C11orf65: variants seen among roughly 807,000 people sequenced by gnomAD.
C11orf65 encodes the protein chromosome 11 open reading frame 65, also known as protein MFI.
C11orf65 carries 38 observed loss-of-function variants against 35.3 expected under a neutral mutation model. The observed-to-expected ratio is 1.08, with a 90% CI of 0.83 to 1.41. The LOEUF (loss-of-function observed/expected upper bound fraction) is 1.41, where lower values mean the gene tolerates loss of function less well. C11orf65 is among the 40% of genes most tolerant of loss of function. The probability of loss-of-function intolerance (pLI) is 0.00; values close to 1 mark genes in which losing one functional copy is unlikely to be tolerated. For synonymous variants in C11orf65, 105 were observed against 114.4 expected (o/e 0.92, Z 0.53); for missense variants, 370 against 367.1 (o/e 1.01, Z -0.06).
At chr11:108,442,088 G>A (rs1300753158) in intron 2 of C11orf65, among the ~76,000 whole-genome samples, 1 of 152,160 alleles carries the variant, frequency 6.6e-6, no homozygotes, top group Non-Finnish European at 1.5e-5. Flanking sequence ...AAAAAGATGA[G>A]ATGAATGGTT....
intron 2 of C11orf65, chr11:108,367,704 G>C (rs1348725398): frequency 1.9e-5 from 4 of 215,666 alleles, no homozygotes; most frequent in Non-Finnish European, 3.7e-5. Flanking sequence ...ATTCATATTT[G>C]ATCTCCTCAC....
intron 3 of C11orf65, among the ~76,000 whole-genome samples, chr11:108,408,414 C>T (rs2092586308): frequency 6.6e-6 from 1 of 151,928 alleles, no homozygotes; most frequent in Non-Finnish European, 1.5e-5. Flanking sequence ...GTGGCTCACA[C>T]CTGTAATCCC....
At chr11:108,385,676 C>T (rs1431144687) in intron 8 of C11orf65, among the ~76,000 whole-genome samples, 3 of 101,066 alleles carry the variant, frequency 3.0e-5, no homozygotes, top group Admixed American at 1.1e-4. Flanking sequence ...AGCAAGACTC[C>T]GTCTCAAAAA....
rs1555119845 is a variant in C11orf65, at chr11:108,326,120, G to A, written c.641-17049C>T. On this transcript the variant is annotated intron_variant, in intron 6 of 6. Coordinates refer to the C11orf65 transcript ENST00000525729. Reference sequence around the variant, plus strand: ...ATTCAGTTAGCTGTGGAGTCTCTGAGTGGCAGCTGGAAGAAGCACAAGTAT... The same window carrying A: ...ATTCAGTTAGCTGTGGAGTCTCTGAATGGCAGCTGGAAGAAGCACAAGTAT... The A allele has an allele frequency of 6.2e-7, 1 of 1,614,118 alleles. No homozygotes were observed. The highest frequency in any genetic ancestry group is 8.5e-7 in the Non-Finnish European group (1 of 1,180,010).
At position 108,386,271 on chromosome 11, in the gene C11orf65, T is replaced by C. The variant is rs1440149475; in HGVS notation, c.732-296A>G. Reference sequence around the variant, plus strand: ...TATCCTGTTAATTCCAGAAAGATCATGTCCTCAGCTGAGTGTTTACTAAGA... The same window carrying C: ...TATCCTGTTAATTCCAGAAAGATCACGTCCTCAGCTGAGTGTTTACTAAGA... On this transcript the variant is annotated intron_variant, in intron 7 of 8. Transcript: ENST00000393084. Among the ~76,000 whole-genome samples, 10 of 152,300 alleles carry C rather than the reference T, an allele frequency of 6.6e-5. No homozygotes were observed. The East Asian group carries it at 1.7e-3, about 26-fold the overall frequency.
At chr11:108,433,563 G>A (rs182928894) in intron 2 of C11orf65, among the ~76,000 whole-genome samples, 27 of 145,442 alleles carry the variant, frequency 1.9e-4, no homozygotes, top group Non-Finnish European at 3.5e-4. Context: ...CTGGGTGACA[G>A]AGTGAGACTC....
intron 2 of C11orf65, chr11:108,343,505 A>G (rs1357962558): frequency 2.8e-6 from 3 of 1,060,450 alleles, no homozygotes; most frequent in Non-Finnish European, 4.1e-6. Context: ...TAAGTAAAAG[A>G]AAAACTCATC....
chr11:108,347,168 C>G lies in C11orf65; in HGVS notation c.227-11876G>C. On this transcript the variant is annotated intron_variant, in intron 2 of 3. Coordinates refer to the C11orf65 transcript ENST00000524755. ...ACATCATTTAAGTAGGCTAAAAATC[C>G]TAAACTACTTAAAGATTATACCAAG... 3.4e-6 allele frequency: 3 copies of G among 881,790 alleles called. No homozygotes were observed. The South Asian group carries it at 4.1e-5, about 12-fold the overall frequency. 54.6% of individuals were successfully genotyped at this position (881,790 alleles called of 1,614,324 possible).
At chr11:108,441,441 A>C (rs2093152484) in intron 2 of C11orf65, among the ~76,000 whole-genome samples, 1 of 152,198 alleles carries the variant, frequency 6.6e-6, no homozygotes, top group Admixed American at 6.5e-5. Flanking sequence ...TGCAGACTTA[A>C]ACGTCCCTGT....
At position 108,405,483 on chromosome 11, in the gene C11orf65, C is replaced by G. The variant is rs2092524534; in HGVS notation, c.506G>C (p.Arg169Thr). 1 of 1,613,322 alleles carries G rather than the reference C, an allele frequency of 6.2e-7. No individual in the cohort carries two copies. Among genetic ancestry groups the G allele is most frequent in the South Asian group, 1.1e-5 (1 of 90,938 alleles). The change falls in exon 6 of 9, where the codon AGG becomes ACG. Residue 169 changes from arginine (R) to threonine (T), a missense_variant. Arg to Thr is a moderately conservative substitution (Grantham distance 71). Coordinates refer to ENST00000393084, the MANE Select transcript of C11orf65 (RefSeq NM_152587.5). Reference protein sequence around the residue: ...SEFHFSKLKRRQDLEKKRKLR... With the variant: ...SEFHFSKLKRTQDLEKKRKLR... ...TTTTCTTTTCTTTTCCAAATCTTGC[C>G]TTCTCTTCAGTTTAGAGAAATGGAA...
At chr11:108,395,297 C>A (rs923497233) in intron 6 of C11orf65, among the ~76,000 whole-genome samples, 2 of 151,836 alleles carry the variant, frequency 1.3e-5, no homozygotes, top group African/African-American at 4.8e-5. Context: ...TCAAGACCAG[C>A]CTGGGTAAAA....
chr11:108,409,788 C>A (rs1368828081), intron 3 of C11orf65, among the ~76,000 whole-genome samples: 1 of 152,112 alleles, frequency 6.6e-6, no homozygotes, highest in Non-Finnish European at 1.5e-5. Context: ...GGTGCACAAA[C>A]CCTCTTGTGA....
chr11:108,376,689 G>A (rs1591416985), intron 2 of C11orf65, among the ~76,000 whole-genome samples: 1 of 152,190 alleles, frequency 6.6e-6, no homozygotes, highest in East Asian at 1.9e-4. Flanking sequence ...ATGAATCCAG[G>A]AGCTGGTTTT....
chr11:108,445,175 G>A (rs1408754075), intron 2 of C11orf65, among the ~76,000 whole-genome samples: 2 of 152,200 alleles, frequency 1.3e-5, no homozygotes, highest in Non-Finnish European at 2.9e-5. Flanking sequence ...TCCACCTCTG[G>A]GGGAAGGGCA....
chr11:108,368,521 T>C (rs1054266374), intron 2 of C11orf65: 1 of 216,826 alleles, frequency 4.6e-6, no homozygotes, highest in African/African-American at 2.3e-5. Flanking sequence ...TTTGGAGAAA[T>C]AAGTTGTCCA....
At chr11:108,382,630 G>A (rs145115917), downstream of C11orf65, 16 of 249,072 alleles carry the variant, frequency 6.4e-5, no homozygotes, top group Middle Eastern at 1.9e-3. Context: ...GAGGATAAAC[G>A]TGGGAGAGGG....
intron 2 of C11orf65, among the ~76,000 whole-genome samples, chr11:108,450,152 T>C (rs2093326623): frequency 6.6e-6 from 1 of 151,904 alleles, no homozygotes; most frequent in African/African-American, 2.4e-5. Context: ...GGAGAGGATG[T>C]GGAGAAACAG....
intron 2 of C11orf65, among the ~76,000 whole-genome samples, chr11:108,354,070 A>AACACACACACACACAC (rs71047689): frequency 1.7e-4 from 19 of 114,932 alleles, no homozygotes; most frequent in African/African-American, 4.7e-4. Flanking sequence ...CACACACACA[A>AACACACACACACACAC]ACACACACAC....
intron 3 of C11orf65, among the ~76,000 whole-genome samples, chr11:108,426,567 T>C (rs993326965): frequency 6.6e-6 from 1 of 152,190 alleles, no homozygotes; most frequent in Admixed American, 6.5e-5. Context: ...AAAATGGCCA[T>C]ACTGCCCAAA....
Sources: gnomAD v4.1 joint callset for allele counts (sites outside exome capture counted in the v4.1 genomes callset) on GRCh38, gnomAD v4.1.1 for gene constraint, MANE v1.5 for transcripts, NCBI Gene and HGNC (gene_info 2026-07-23, HGNC 2026-07-21) for gene names.